The following ZNF516 variants were observed in gnomAD, a reference collection of about 807,000 sequenced individuals.
ZNF516 encodes zinc finger protein 516.
Under a neutral mutation model 79.7 loss-of-function variants are expected in ZNF516, and 19 were observed. That is an observed-to-expected ratio of 0.24 (90% confidence interval 0.17 to 0.35). The LOEUF is 0.35. ZNF516 is among the 10% of genes least tolerant of loss of function. The pLI is 1.00. For synonymous variants in ZNF516, 877 were observed against 739.5 expected, an observed-to-expected ratio of 1.19 and a Z score of -3.02; for missense variants, 1,678 against 1,679.5, an observed-to-expected ratio of 1.00 and a Z score of 0.02.
chr18:76,471,183 G>A (rs1390257828), intron 1 of ZNF516, among the ~76,000 whole-genome samples: 3 of 151,502 alleles, frequency 2.0e-5, no homozygotes, highest in Non-Finnish European at 4.4e-5. Flanking sequence ...AATTCTAAAA[G>A]TATGCATATC....
At chr18:76,483,740 T>C (rs1028556328) in intron 1 of ZNF516, among the ~76,000 whole-genome samples, 4 of 152,208 alleles carry the variant, frequency 2.6e-5, no homozygotes, top group Admixed American at 2.0e-4. Context: ...TTTACTCTCT[T>C]ATAAAAATAT....
intron 1 of ZNF516, chr18:76,491,061 A>T (rs538126347): frequency 1.0e-6 from 1 of 985,152 alleles, no homozygotes; most frequent in Non-Finnish European, 1.2e-6. Flanking sequence ...GGACCGGTTC[A>T]GGTGTGAACA....
At chr18:76,399,444 G>A (rs2075188949) in intron 3 of ZNF516, among the ~76,000 whole-genome samples, 1 of 152,234 alleles carries the variant, frequency 6.6e-6, no homozygotes, top group Admixed American at 6.5e-5. Flanking sequence ...AACATTACAT[G>A]TGGGGGATTA....
Position 76,378,885 on chromosome 18 carries a change from C to G in ZNF516, c.3229G>C (p.Gly1077Arg). The change falls in exon 4 of 7, where the codon GGT becomes CGT. Residue 1077 changes from glycine to arginine, a missense_variant. This residue lies in a region of ZNF516 where 1,294 missense variants were observed against 1,248.3 expected (regional missense o/e 1.04). Coordinates refer to ENST00000443185, the MANE Select transcript of ZNF516 (RefSeq NM_014643.4). ...TGCTCCAACCCAGGGCCGCTGACAC[C>G]CCATCCCTGGTAGAGGGTCGCAAAG... ...KDFATLYQGWGVSGPGLEHRG... is the reference protein window; with the variant it reads ...KDFATLYQGWRVSGPGLEHRG... 2.5e-6 allele frequency: 4 copies of G among 1,613,526 alleles called. No homozygotes were observed. The highest frequency in any genetic ancestry group is 2.5e-6 in the Non-Finnish European group (3 of 1,179,684).
chr18:76,399,491 A>G (rs1299289643), intron 3 of ZNF516, among the ~76,000 whole-genome samples: 2 of 152,250 alleles, frequency 1.3e-5, no homozygotes, highest in Non-Finnish European at 2.9e-5. Context: ...AAAAATGTCC[A>G]ACCTTGCAAA....
chr18:76,492,929 G>A (rs1291376147), intron 1 of ZNF516: 3 of 985,472 alleles, frequency 3.0e-6, no homozygotes, highest in Non-Finnish European at 3.6e-6. Flanking sequence ...CGGATGCGCG[G>A]GGCTGGCCAG....
intron 1 of ZNF516, chr18:76,491,153 A>G (rs1915163403): frequency 2.1e-6 from 2 of 940,868 alleles, no homozygotes; most frequent in Non-Finnish European, 2.5e-6. Flanking sequence ...ATAGAAACCA[A>G]TTACCTGGGC....
chr18:76,467,157 C>G lies in ZNF516; in HGVS notation c.-271-4016G>C, dbSNP rs1292781354. Among the ~76,000 whole-genome samples the G allele has an allele frequency of 3.0e-5, 4 of 134,250 alleles. No individual in the cohort carries two copies. Among genetic ancestry groups the G allele is most frequent in the South Asian group, 4.9e-4 (2 of 4,056 alleles). The allele number at this position is 134,250 out of a possible 152,430, so 88.1% of individuals were successfully genotyped here. A position where few individuals can be genotyped will look rare whatever the true frequency, so the allele number is the denominator to read the frequency against. ...TCTCTCGGAACCTGCAGCTCACAGC[C>G]CTTCTGGGTTGGCAGGAAGTCCTGC... On this transcript the variant is annotated intron_variant, in intron 1 of 6. Coordinates refer to ENST00000443185, the MANE Select transcript of ZNF516 (RefSeq NM_014643.4). The surrounding 1 kb of genome is among the most constrained non-coding windows in gnomAD (Gnocchi z 4.2).
intron 3 of ZNF516, chr18:76,387,765 T>G (rs531624797): frequency 3.3e-5 from 5 of 152,164 alleles, no homozygotes; most frequent in Non-Finnish European, 5.9e-5. Flanking sequence ...TTCCTGAATC[T>G]GACATGGACA....
chr18:76,371,587 G>A lies in ZNF516; in HGVS notation c.3260-16C>T, dbSNP rs771730657. 38 of 1,604,508 alleles carry A rather than the reference G, an allele frequency of 2.4e-5. No individual in the cohort carries two copies. The highest frequency in any genetic ancestry group is 3.1e-5 in the Non-Finnish European group (36 of 1,177,664). ...CGGAGTGTCCCTGCGGTGGCGAGGT[G>A]GTGGTGGTGGCAGGGCCGTGGTGGG... On this transcript the variant is annotated splice_polypyrimidine_tract_variant and intron_variant, in intron 4 of 6. Coordinates refer to ENST00000443185, the MANE Select transcript of ZNF516 (RefSeq NM_014643.4).
At chr18:76,384,817 A>T (rs1391719266) in intron 3 of ZNF516, among the ~76,000 whole-genome samples, 2 of 152,126 alleles carry the variant, frequency 1.3e-5, no homozygotes, top group African/African-American at 4.8e-5. Flanking sequence ...CCAATCTGAC[A>T]GCCCCTGGGT....
intron 3 of ZNF516, among the ~76,000 whole-genome samples, chr18:76,402,472 C>T (rs1297528187): frequency 6.6e-6 from 1 of 152,128 alleles, no homozygotes; most frequent in Non-Finnish European, 1.5e-5. Context: ...GACCTGTGAC[C>T]CCCTCTGCCA....
chr18:76,392,697 A>G (rs551172511), intron 3 of ZNF516, among the ~76,000 whole-genome samples: 6 of 35,840 alleles, frequency 1.7e-4, no homozygotes, highest in African/African-American at 8.2e-4. Flanking sequence ...GCAGGTGACC[A>G]GGTGGGGGAA....
intron 4 of ZNF516, among the ~76,000 whole-genome samples, chr18:76,374,622 T>A (rs915149521): frequency 1.3e-5 from 2 of 152,232 alleles, no homozygotes; most frequent in African/African-American, 4.8e-5. Context: ...ATGGAACATG[T>A]CCACTGCAAA....
At chr18:76,383,387 C>CT (rs990368331) in intron 3 of ZNF516, among the ~76,000 whole-genome samples, 5 of 150,360 alleles carry the variant, frequency 3.3e-5, no homozygotes, top group African/African-American at 1.2e-4. Flanking sequence ...CACCAGGCAC[C>CT]TTCTCAGCCA....
chr18:76,421,954 T>A (rs1004580451), intron 3 of ZNF516, among the ~76,000 whole-genome samples: 1 of 151,946 alleles, frequency 6.6e-6, no homozygotes, highest in African/African-American at 2.4e-5. Context: ...TTAAGGCAAG[T>A]GTTTTGTTTT....
At chr18:76,381,705 A>C (rs1179772995) in intron 3 of ZNF516, among the ~76,000 whole-genome samples, 2 of 152,242 alleles carry the variant, frequency 1.3e-5, no homozygotes, top group Non-Finnish European at 2.9e-5. Context: ...TGCGCAATTC[A>C]TACGCCGTGT....
At chr18:76,392,702 G>A (rs576779219) in intron 3 of ZNF516, among the ~76,000 whole-genome samples, 1 of 65,548 alleles carries the variant, frequency 1.5e-5, no homozygotes, top group African/African-American at 9.1e-5. Context: ...TGACCAGGTG[G>A]GGGAAAGGTG....
intron 3 of ZNF516, among the ~76,000 whole-genome samples, chr18:76,404,337 ATGTG>A (rs1239827102): frequency 1.3e-5 from 1 of 78,346 alleles, no homozygotes; most frequent in Non-Finnish European, 3.7e-5. Flanking sequence ...GACCGTGTGT[ATGTG>A]TGAGTGCATA....
Sources: gnomAD v4.1 joint callset for allele counts (sites outside exome capture counted in the v4.1 genomes callset) on GRCh38, gnomAD v4.1.1 for gene constraint, gnomAD v4.1.1 regional missense constraint, Gnocchi (gnomAD v3.1) non-coding constraint, MANE v1.5 for transcripts, NCBI Gene and HGNC (gene_info 2026-07-23, HGNC 2026-07-21) for gene names.